Variants in COL4A5 observed in about 807,000 individuals in gnomAD.
The protein encoded by COL4A5 is collagen alpha-5(IV) chain.
COL4A5 carries 26 observed loss-of-function variants against 130.2 expected under a neutral mutation model. The observed-to-expected ratio is 0.20, with a 90% CI of 0.15 to 0.28. The LOEUF (loss-of-function observed/expected upper bound fraction) is 0.28, where lower values mean the gene tolerates loss of function less well. Among genes scored for constraint, COL4A5 ranks in the 10% least tolerant of loss-of-function variants. The probability of loss-of-function intolerance (pLI) is 1.00; values close to 1 mark genes in which losing one functional copy is unlikely to be tolerated. For missense variants in COL4A5, 1,131 were observed against 1,344.3 expected, an observed-to-expected ratio of 0.84 and a Z score of 2.48; for synonymous variants, 496 against 439.6, an observed-to-expected ratio of 1.13 and a Z score of -1.60.
intron 36 of COL4A5, among the ~76,000 whole-genome samples, chrX:108,638,811 A>C (rs1156492919): frequency 8.9e-6 from 1 of 112,066 alleles, no homozygotes; most frequent in East Asian, 2.8e-4. Flanking sequence ...GAAATTAAGA[A>C]AATTAAATTT....
Position 108,568,774 on chromosome X carries a change from G to T in COL4A5, c.337G>T (p.Asp113Tyr). 3 of 1,210,840 alleles carry T rather than the reference G, an allele frequency of 2.5e-6. No individual in the cohort carries two copies. The highest frequency in any genetic ancestry group is 2.2e-6 in the Non-Finnish European group (2 of 894,969). ...CTTTTCAAAGGGAATGCCAGGCCAC[G>T]ATGGGGCCCCAGGACCTCAAGGTAT... Reference protein sequence around the residue: ...TPGLPGMPGHDGAPGPQGIPG... With the variant: ...TPGLPGMPGHYGAPGPQGIPG... Residue 113 changes from aspartate to tyrosine, a missense_variant, in exon 6 of 53, where the codon GAT (aspartate) becomes TAT (tyrosine). Coordinates refer to ENST00000328300, the MANE Select transcript of COL4A5 (RefSeq NM_033380.3).
In COL4A5 at chrX:108,626,625, T is replaced by G. The variant is rs1483310872; in HGVS notation, c.3246+276T>G. The stretch of plus-strand genomic sequence containing the variant: ...TCAATAATCTCAATGCCTAGATTTT[T>G]CTGGTCTTGTTAGTCCATCCCTTTT... On this transcript the variant is annotated intron_variant, in intron 36 of 52. Coordinates refer to ENST00000328300, the MANE Select transcript of COL4A5 (RefSeq NM_033380.3). 3.7e-6 allele frequency: 4 copies of G among 1,067,135 alleles called. 1 individual carries two copies. In the African/African-American group the frequency reaches 7.6e-5, roughly 20 times the overall value. The allele number at this position is 1,067,135 out of a possible 1,213,427, so 87.9% of individuals were successfully genotyped here.
At chrX:108,483,780 T>A (rs1392160170) in intron 1 of COL4A5, among the ~76,000 whole-genome samples, 3 of 112,505 alleles carry the variant, frequency 2.7e-5, no homozygotes, top group Non-Finnish European at 5.6e-5. Context: ...TTCCAGAATT[T>A]GTTATTGCCT....
intron 12 of COL4A5, 53 bp from the exon 13 acceptor site, chrX:108,578,238 T>G: frequency 8.9e-7 from 1 of 1,129,425 alleles, no homozygotes; most frequent in Non-Finnish European, 1.2e-6. Context: ...GTTATATTAC[T>G]GTCTGTGGAG....
intron 1 of COL4A5, among the ~76,000 whole-genome samples, chrX:108,491,323 G>A (rs2064991675): frequency 1.8e-5 from 2 of 111,484 alleles, no homozygotes; most frequent in Non-Finnish European, 3.8e-5. Context: ...CTACATTGGA[G>A]AGCATCTCTT....
chrX:108,556,647 A>G (rs977774011), intron 2 of COL4A5, among the ~76,000 whole-genome samples: 1 of 111,365 alleles, frequency 9.0e-6, no homozygotes, highest in Non-Finnish European at 1.9e-5. Context: ...AGGAAAATCT[A>G]CAGTAGTTGT....
intron 18 of COL4A5, 70 bp from the exon 19 acceptor site, chrX:108,586,545 A>G (rs1396403606): frequency 2.9e-6 from 3 of 1,026,449 alleles, no homozygotes; most frequent in Admixed American, 2.4e-5. Context: ...TGTAGCTCCC[A>G]TAATGTTTTC....
chrX:108,651,696 T>C (rs2067732931), intron 36 of COL4A5, among the ~76,000 whole-genome samples: 1 of 111,967 alleles, frequency 8.9e-6, no homozygotes, highest in Non-Finnish European at 1.9e-5. Flanking sequence ...CTATCTTGCA[T>C]GGTAAAGGGT....
intron 1 of COL4A5, among the ~76,000 whole-genome samples, chrX:108,497,356 A>G (rs932588666): frequency 1.3e-4 from 15 of 112,045 alleles, no homozygotes; most frequent in African/African-American, 4.9e-4. Flanking sequence ...GTATAGATAT[A>G]TGTTTTTTTA....
intron 36 of COL4A5, among the ~76,000 whole-genome samples, chrX:108,650,945 C>G (rs940234162): frequency 9.0e-6 from 1 of 110,733 alleles, no homozygotes; most frequent in African/African-American, 3.3e-5. Flanking sequence ...AAAAAACAAG[C>G]AAACAAAAAC....
At chrX:108,471,796 T>A (rs185186578) in intron 1 of COL4A5, among the ~76,000 whole-genome samples, 98 of 111,682 alleles carry the variant, frequency 8.8e-4, no homozygotes, top group African/African-American at 3.0e-3. Context: ...TTTGGTTTCA[T>A]TGATTGTCTC....
intron 42 of COL4A5, among the ~76,000 whole-genome samples, chrX:108,671,209 A>G (rs905231537): frequency 1.8e-5 from 2 of 112,122 alleles, no homozygotes; most frequent in African/African-American, 3.2e-5. Flanking sequence ...AAAAAAAGCC[A>G]CAAATATTTG....
chrX:108,477,673 G>A (rs1219968353), intron 1 of COL4A5, among the ~76,000 whole-genome samples: 3 of 109,114 alleles, frequency 2.7e-5, no homozygotes, highest in East Asian at 2.9e-4. Context: ...AAAATGAGCC[G>A]GGTGTGGTGG....
At chrX:108,675,129 A>T (rs1010620446) in intron 43 of COL4A5, among the ~76,000 whole-genome samples, 1 of 111,210 alleles carries the variant, frequency 9.0e-6, no homozygotes, top group African/African-American at 3.3e-5. Context: ...GATTGCCCTG[A>T]TCTGTGTATT....
In COL4A5 at chrX:108,687,507, T is replaced by C. The variant is rs1274720441; in HGVS notation, c.4341T>C (p.Pro1447=). The C allele has an allele frequency of 7.4e-6, 9 of 1,209,718 alleles. No individual in the cohort carries two copies. In the East Asian group the frequency reaches 2.7e-4, roughly 36 times the overall value. Residue 1447 remains proline (P), a synonymous_variant, in exon 49 of 53, where the codon CCT becomes CCC. Transcript: ENST00000328300. The stretch of plus-strand genomic sequence containing the variant: ...GTACCCGTGGTTTGGATGGTCCCCC[T>C]GGTCCAGATGGATTGCAAGGTCCCC... ...QPGTRGLDGP[P]GPDGLQGPPG...
At chrX:108,690,885 A>G (rs924875691) in intron 49 of COL4A5, among the ~76,000 whole-genome samples, 7 of 112,193 alleles carry the variant, frequency 6.2e-5, no homozygotes, top group Non-Finnish European at 1.1e-4. Context: ...AGCACTATTC[A>G]CAATAGCAAA....
At chrX:108,540,358 C>G (rs1422383015) in intron 2 of COL4A5, among the ~76,000 whole-genome samples, 1 of 112,199 alleles carries the variant, frequency 8.9e-6, no homozygotes, top group Non-Finnish European at 1.9e-5. Flanking sequence ...GGAAACTAAA[C>G]ATTTATCAAG....
At chrX:108,535,406 A>G (rs994411963) in intron 1 of COL4A5, among the ~76,000 whole-genome samples, 2 of 111,352 alleles carry the variant, frequency 1.8e-5, no homozygotes, top group Non-Finnish European at 3.8e-5. Context: ...TCCTTTAAAA[A>G]AATGATACAT....
intron 1 of COL4A5, among the ~76,000 whole-genome samples, chrX:108,479,525 G>T (rs981982905): frequency 8.9e-6 from 1 of 111,814 alleles, no homozygotes; most frequent in Admixed American, 9.5e-5. Context: ...CGTGCAGAAC[G>T]ATCTGTGAGC....
Sources: gnomAD v4.1 joint callset for allele counts (sites outside exome capture counted in the v4.1 genomes callset) on GRCh38, gnomAD v4.1.1 for gene constraint, MANE v1.5 for transcripts, NCBI Gene and HGNC (gene_info 2026-07-23, HGNC 2026-07-21) for gene names.